The following ADAMTS6 variants were observed in gnomAD, a reference collection of about 807,000 sequenced individuals.
ADAMTS6 encodes the protein A disintegrin and metalloproteinase with thrombospondin motifs 6.
ADAMTS6 carries 23 observed loss-of-function variants against 144.3 expected under a neutral mutation model. The observed-to-expected ratio is 0.16, with a 90% confidence interval of 0.11 to 0.23. The LOEUF is 0.23. Ranked by LOEUF, ADAMTS6 falls within the 10% of genes least tolerant of loss-of-function variation. The pLI is 1.00. For missense variants in ADAMTS6, 999 were observed against 1,379.6 expected, an observed-to-expected ratio of 0.72 and a Z score of 4.37; for synonymous variants, 444 against 457.5, an observed-to-expected ratio of 0.97 and a Z score of 0.38.
intron 7 of ADAMTS6, among the ~76,000 whole-genome samples, chr5:65,440,353 T>C (rs919691306): frequency 2.0e-5 from 3 of 152,270 alleles, no homozygotes; most frequent in Non-Finnish European, 2.9e-5. Context: ...AGGACAGTGA[T>C]CCCTGAGAAA....
chr5:65,300,822 G>A (rs1006107848), intron 9 of ADAMTS6, among the ~76,000 whole-genome samples: 7 of 151,836 alleles, frequency 4.6e-5, no homozygotes, highest in African/African-American at 1.2e-4. Flanking sequence ...TAGTAGAGAC[G>A]GGGTTTCACC....
chr5:65,278,641 T>G (rs952330476), intron 11 of ADAMTS6, among the ~76,000 whole-genome samples: 5 of 152,224 alleles, frequency 3.3e-5, no homozygotes, highest in Admixed American at 2.0e-4. Flanking sequence ...TAGTTGTATC[T>G]GTGTTTACCA....
At chr5:65,183,660 A>AAAAT (rs1234511391) in intron 22 of ADAMTS6, among the ~76,000 whole-genome samples, 1 of 139,498 alleles carries the variant, frequency 7.2e-6, no homozygotes, top group African/African-American at 2.9e-5. Flanking sequence ...TAAAAATAAA[A>AAAAT]AAATAAAAAT....
intron 10 of ADAMTS6, among the ~76,000 whole-genome samples, chr5:65,294,986 C>A (rs1229483053): frequency 6.6e-6 from 1 of 151,960 alleles, no homozygotes; most frequent in Non-Finnish European, 1.5e-5. Context: ...TAACTTTATT[C>A]TTTTGCTCAA....
intron 7 of ADAMTS6, among the ~76,000 whole-genome samples, chr5:65,411,632 G>C (rs890993594): frequency 6.6e-6 from 1 of 152,048 alleles, no homozygotes; most frequent in South Asian, 2.1e-4. Flanking sequence ...GTCACAGGTA[G>C]GGAAAAACAT....
At chr5:65,235,733 G>T (rs1286081588) in intron 15 of ADAMTS6, among the ~76,000 whole-genome samples, 1 of 151,872 alleles carries the variant, frequency 6.6e-6, no homozygotes, top group East Asian at 1.9e-4. Flanking sequence ...ATGGCCTATT[G>T]TGGGACCTTG....
chr5:65,340,259 A>G (rs1391783814), intron 7 of ADAMTS6, among the ~76,000 whole-genome samples: 1 of 152,132 alleles, frequency 6.6e-6, no homozygotes, highest in African/African-American at 2.4e-5. Flanking sequence ...GCCACCAAAG[A>G]ATAGTATACC....
rs1030051362 is a variant in ADAMTS6 at position 65,328,389 on chromosome 5, T to C, written c.1223+989A>G. On this transcript the variant is annotated intron_variant, in intron 9 of 24. Transcript: ENST00000381055. ...GAATATAAAACTTAAATTCTACAAATGTCAGGAGTTCTTGCAAGTAAGCTG... is the reference window on the plus strand; with the variant it reads ...GAATATAAAACTTAAATTCTACAAACGTCAGGAGTTCTTGCAAGTAAGCTG... Among the ~76,000 whole-genome samples the C allele has an allele frequency of 4.6e-5, 7 of 152,136 alleles. No homozygotes were observed. The South Asian group carries it at 1.2e-3, about 27-fold the overall frequency.
At chr5:65,333,933 C>A (rs1686043851) in intron 8 of ADAMTS6, 109 bp downstream of exon 8, 8 of 1,119,960 alleles carry the variant, frequency 7.1e-6, no homozygotes, top group African/African-American at 2.0e-5. Flanking sequence ...GGAAAATGAC[C>A]AAATTAATAA....
At chr5:65,189,675 G>A (rs1456089207) in intron 21 of ADAMTS6, among the ~76,000 whole-genome samples, 4 of 152,142 alleles carry the variant, frequency 2.6e-5, no homozygotes, top group Admixed American at 1.3e-4. Flanking sequence ...TGTCTACTAC[G>A]TTCAAGGCAT....
chr5:65,168,579 C>T (rs1753376684), intron 24 of ADAMTS6, among the ~76,000 whole-genome samples: 1 of 123,162 alleles, frequency 8.1e-6, no homozygotes. Context: ...ATCGCCAAGT[C>T]AATCCTAAGC....
intron 20 of ADAMTS6, among the ~76,000 whole-genome samples, chr5:65,207,551 G>A (rs1000631450): frequency 6.6e-6 from 1 of 152,152 alleles, no homozygotes. Flanking sequence ...TAAATAAGAG[G>A]AGGGGATGGG....
At chr5:65,438,495 C>A (rs1757622244) in intron 7 of ADAMTS6, among the ~76,000 whole-genome samples, 1 of 152,090 alleles carries the variant, frequency 6.6e-6, no homozygotes, top group African/African-American at 2.4e-5. Context: ...CCACTGCACT[C>A]CAGCCTGGGT....
chr5:65,419,338 C>A (rs1755817513), intron 7 of ADAMTS6, among the ~76,000 whole-genome samples: 1 of 152,004 alleles, frequency 6.6e-6, no homozygotes, highest in Non-Finnish European at 1.5e-5. Flanking sequence ...TAGGTGGGAG[C>A]TAAATATTGG....
intron 12 of ADAMTS6, among the ~76,000 whole-genome samples, chr5:65,271,706 T>A (rs1280500441): frequency 6.6e-6 from 1 of 152,132 alleles, no homozygotes; most frequent in Non-Finnish European, 1.5e-5. Flanking sequence ...AGAATAATAA[T>A]AAATCAATGG....
chr5:65,316,808 A>AT (rs147926746), intron 9 of ADAMTS6, among the ~76,000 whole-genome samples: 106 of 149,390 alleles, frequency 7.1e-4, no homozygotes, highest in African/African-American at 7.9e-4. Flanking sequence ...CATAATAATC[A>AT]TTTTTTTTTT....
chr5:65,239,286 A>T (rs1313607409), intron 15 of ADAMTS6, among the ~76,000 whole-genome samples: 2 of 150,530 alleles, frequency 1.3e-5, no homozygotes, highest in Admixed American at 1.3e-4. Context: ...AACTGTGTTC[A>T]TGACTATACT....
At chr5:65,215,680 A>G (rs1290713960) in intron 18 of ADAMTS6, among the ~76,000 whole-genome samples, 193 bp from the exon 19 acceptor site, 2 of 152,242 alleles carry the variant, frequency 1.3e-5, no homozygotes, top group African/African-American at 4.8e-5. Context: ...TTAAGTATTT[A>G]TAATGTCACT....
At chr5:65,266,099 A>G (rs1761610211) in intron 12 of ADAMTS6, among the ~76,000 whole-genome samples, 1 of 151,958 alleles carries the variant, frequency 6.6e-6, no homozygotes. Flanking sequence ...GTCAGGTGAC[A>G]AAAGAATTGT....
Sources: gnomAD v4.1 joint callset for allele counts (sites outside exome capture counted in the v4.1 genomes callset) on GRCh38, gnomAD v4.1.1 for gene constraint, MANE v1.5 for transcripts, NCBI Gene and HGNC (gene_info 2026-07-23, HGNC 2026-07-21) for gene names.